Variants in THSD7B observed in about 807,000 individuals in gnomAD.
THSD7B encodes the protein thrombospondin type 1 domain containing 7B, also known as thrombospondin type-1 domain-containing protein 7B.
THSD7B carries 138 observed loss-of-function variants against 213.6 expected under a neutral mutation model. The ratio of observed to expected loss-of-function variants is 0.65; its 90% CI spans 0.56 to 0.74. The LOEUF is 0.74. THSD7B is among the 30% of genes least tolerant of loss of function. The probability of loss-of-function intolerance (pLI) is 0.00; values close to 1 mark genes in which losing one functional copy is unlikely to be tolerated. For missense variants in THSD7B, 1,931 were observed against 1,991.5 expected, an observed-to-expected ratio of 0.97 and a Z score of 0.58; for synonymous variants, 742 against 687.0, an observed-to-expected ratio of 1.08 and a Z score of -1.25.
At chr2:137,149,165 C>T (rs572641946) in intron 5 of THSD7B, among the ~76,000 whole-genome samples, 1 of 152,278 alleles carries the variant, frequency 6.6e-6, no homozygotes, top group East Asian at 1.9e-4. Flanking sequence ...GTGGAAGCTC[C>T]AAGCCTTGGT....
chr2:137,082,738 C>G (rs1312899790), intron 3 of THSD7B, among the ~76,000 whole-genome samples: 1 of 152,026 alleles, frequency 6.6e-6, no homozygotes, highest in Non-Finnish European at 1.5e-5. Context: ...TACACACATC[C>G]ACAACTATGT....
chr2:137,137,983 C>T (rs1416656525), intron 5 of THSD7B, among the ~76,000 whole-genome samples: 3 of 152,048 alleles, frequency 2.0e-5, no homozygotes, highest in African/African-American at 4.8e-5. Context: ...ACTGCAGCCT[C>T]GACTTCCCAG....
chr2:137,350,999 A>G (rs1158371686), intron 12 of THSD7B, among the ~76,000 whole-genome samples: 1 of 151,844 alleles, frequency 6.6e-6, no homozygotes, highest in Admixed American at 6.6e-5. Flanking sequence ...AAAATAGCCT[A>G]GTGGAGATCT....
rs577090906 is a variant in THSD7B at position 137,481,940 on chromosome 2, G to A, written c.3138+30917G>A. On this transcript the variant is annotated intron_variant, in intron 15 of 27. Transcript: ENST00000409968. ...CACCTGTAATCCCAGCACTTTAGGA[G>A]GCCAAGGCAGGCGGATCACGAGGTC... Among the ~76,000 whole-genome samples the A allele has an allele frequency of 1.1e-3, 170 of 152,146 alleles. 1 individual carries two copies. The highest frequency in any genetic ancestry group is 2.1e-3 in the Non-Finnish European group (144 of 68,040).
At chr2:137,131,416 G>A (rs1434285065) in intron 5 of THSD7B, among the ~76,000 whole-genome samples, 1 of 152,068 alleles carries the variant, frequency 6.6e-6, no homozygotes, top group Non-Finnish European at 1.5e-5. Flanking sequence ...GGCTTTTGTT[G>A]CCATTGCTTT....
At chr2:137,310,573 C>T (rs956530474) in intron 12 of THSD7B, among the ~76,000 whole-genome samples, 1 of 151,330 alleles carries the variant, frequency 6.6e-6, no homozygotes, top group Non-Finnish European at 1.5e-5. Context: ...ACATGAAGTC[C>T]TTGCCCGTGC....
intron 12 of THSD7B, among the ~76,000 whole-genome samples, chr2:137,393,988 A>G (rs373851141): frequency 4.4e-5 from 6 of 135,036 alleles, no homozygotes; most frequent in Non-Finnish European, 6.5e-5. Context: ...CATGTCCTTC[A>G]CCCACTTTTT....
intron 21 of THSD7B, among the ~76,000 whole-genome samples, chr2:137,650,558 T>G (rs958324137): frequency 1.3e-5 from 2 of 152,220 alleles, no homozygotes; most frequent in African/African-American, 4.8e-5. Flanking sequence ...CCTTTCCAAC[T>G]TAGATGTCCT....
intron 20 of THSD7B, among the ~76,000 whole-genome samples, chr2:137,637,837 T>C (rs12614536): frequency 0.062 from 9,477 of 152,174 alleles, 656 homozygotes; most frequent in African/African-American, 0.17. Flanking sequence ...TTGGCCATGA[T>C]AAAGGTGACA....
At chr2:137,117,842 G>A (rs1186637590) in intron 5 of THSD7B, among the ~76,000 whole-genome samples, 1 of 152,252 alleles carries the variant, frequency 6.6e-6, no homozygotes, top group Admixed American at 6.5e-5. Context: ...CCCTCCCAAA[G>A]GTCTCCAGAT....
chr2:137,451,155 G>C, intron 15 of THSD7B, 132 bp downstream of exon 15: 2 of 929,600 alleles, frequency 2.2e-6, no homozygotes, highest in East Asian at 6.0e-5. Context: ...GAAGGATTAA[G>C]AGGGCCAAAA....
At chr2:137,471,958 A>G (rs1688101924) in intron 15 of THSD7B, among the ~76,000 whole-genome samples, 1 of 152,212 alleles carries the variant, frequency 6.6e-6, no homozygotes, top group African/African-American at 2.4e-5. Context: ...GTCTCTATCA[A>G]AAATGATAAT....
At chr2:137,226,597 C>G (rs1449390815) in intron 7 of THSD7B, among the ~76,000 whole-genome samples, 1 of 151,636 alleles carries the variant, frequency 6.6e-6, no homozygotes, top group Non-Finnish European at 1.5e-5. Context: ...GCTTTTGATT[C>G]TGCTGGAAAT....
intron 1 of THSD7B, among the ~76,000 whole-genome samples, chr2:136,818,741 A>G (rs775041414): frequency 1.2e-4 from 18 of 152,162 alleles, no homozygotes; most frequent in African/African-American, 2.2e-4. Context: ...GTTAAGGCCA[A>G]TGGTATAATA....
intron 14 of THSD7B, among the ~76,000 whole-genome samples, chr2:137,450,484 A>G (rs1687626758): frequency 1.3e-5 from 2 of 152,226 alleles, no homozygotes; most frequent in South Asian, 2.1e-4. Flanking sequence ...GGACTCTTTT[A>G]TAATCCCTCT....
In THSD7B at chr2:136,882,244, A is replaced by G. The variant is rs1010624721; in HGVS notation, c.66A>G (p.Leu22=). Reference sequence around the variant, plus strand: ...GGAGGAGCATGAGGAAGCTCTTTCTATTGCTTTCTCTCTTGCTGTCCCATG... The same window carrying G: ...GGAGGAGCATGAGGAAGCTCTTTCTGTTGCTTTCTCTCTTGCTGTCCCATG... The part of the protein sequence containing the change: ...WVWRSMRKLF[L]LLSLLLSHAA... The change falls in exon 2 of 28, where the codon CTA becomes CTG. Residue 22 remains leucine (L), a synonymous_variant. Transcript: ENST00000409968. 7.1e-6 allele frequency: 11 copies of G among 1,545,200 alleles called. No individual in the cohort carries two copies. Among genetic ancestry groups the G allele is most frequent in the Admixed American group, 4.0e-5 (2 of 50,156 alleles).
chr2:137,282,942 A>G (rs1406623543), intron 12 of THSD7B, among the ~76,000 whole-genome samples: 1 of 152,172 alleles, frequency 6.6e-6, no homozygotes, highest in African/African-American at 2.4e-5. Context: ...TTCTGTGAAG[A>G]AAGTCATTGG....
intron 7 of THSD7B, among the ~76,000 whole-genome samples, chr2:137,198,561 G>A (rs1339310437): frequency 6.6e-6 from 1 of 152,146 alleles, no homozygotes; most frequent in Admixed American, 6.5e-5. Context: ...GGTTTCAGCT[G>A]CTAGCTTTCA....
At chr2:137,665,833 T>A (rs1260024127) in intron 26 of THSD7B, among the ~76,000 whole-genome samples, 1 of 152,164 alleles carries the variant, frequency 6.6e-6, no homozygotes, top group Non-Finnish European at 1.5e-5. Context: ...GACCTTCTTT[T>A]ATGAACTAAT....
Sources: allele counts gnomAD v4.1 joint callset (sites outside exome capture counted in the v4.1 genomes callset), GRCh38; gene constraint gnomAD v4.1.1; transcripts MANE v1.5; gene names NCBI Gene and HGNC (gene_info 2026-07-23, HGNC 2026-07-21).